The following TENT4A variants were observed in gnomAD, a reference collection of about 807,000 sequenced individuals.
TENT4A encodes the protein terminal nucleotidyltransferase 4A, also known as DNA polymerase kappa.
TENT4A carries 7 observed loss-of-function variants against 72.8 expected under a neutral mutation model. The observed-to-expected ratio is 0.10, with a 90% CI of 0.05 to 0.18. The LOEUF (loss-of-function observed/expected upper bound fraction) is 0.18. TENT4A is among the 10% of genes least tolerant of loss of function. The pLI is 1.00. For synonymous variants in TENT4A, 456 were observed against 434.3 expected (o/e 1.05, Z -0.62); for missense variants, 831 against 1,017.7 (o/e 0.82, Z 2.50).
chr5:6,748,670 A>G (rs1742237293), intron 8 of TENT4A, 80 bp downstream of exon 8: 3 of 1,384,512 alleles, frequency 2.2e-6, no homozygotes, highest in East Asian at 2.3e-5. Flanking sequence ...ATTTACCTCC[A>G]TGAAATTTAT....
At chr5:6,730,831 A>G (rs1109228) in intron 1 of TENT4A, among the ~76,000 whole-genome samples, 7 of 151,718 alleles carry the variant, frequency 4.6e-5, no homozygotes, top group Admixed American at 2.6e-4. Context: ...TTGCCTTGTA[A>G]CATAATCAAA....
At chr5:6,722,551 T>TTTG (rs1388150854) in intron 1 of TENT4A, among the ~76,000 whole-genome samples, 17 of 149,816 alleles carry the variant, frequency 1.1e-4, no homozygotes, top group Admixed American at 1.1e-3. Context: ...TTGTTAGTTT[T>TTTG]TTTTTTTTTT....
intron 1 of TENT4A, among the ~76,000 whole-genome samples, chr5:6,726,787 C>A (rs778639679): frequency 5.9e-5 from 9 of 152,184 alleles, no homozygotes; most frequent in Non-Finnish European, 1.0e-4. Context: ...CCTTTGATTG[C>A]CCAGCTGTCC....
At chr5:6,726,438 C>A (rs528904611) in intron 1 of TENT4A, among the ~76,000 whole-genome samples, 1 of 152,242 alleles carries the variant, frequency 6.6e-6, no homozygotes, top group East Asian at 1.9e-4. Flanking sequence ...GGCGACGCCC[C>A]CTGCGTTGCC....
chr5:6,740,907 T>C (rs993797932), intron 4 of TENT4A, among the ~76,000 whole-genome samples: 1 of 152,200 alleles, frequency 6.6e-6, no homozygotes, highest in African/African-American at 2.4e-5. Flanking sequence ...GCTGTTGCTG[T>C]TCACATTTTA....
At position 6,755,416 on chromosome 5, in the gene TENT4A, A is replaced by T. The variant is rs556578060; in HGVS notation, c.*471A>T. ...TTTGAAATTTCAGAACTGTTTTTCT[A>T]TGTAAATATTGAAAACTTATGATTT... is the stretch of plus-strand genomic sequence containing the variant. On this transcript the variant is annotated 3_prime_UTR_variant, in exon 13 of 13. Coordinates refer to ENST00000230859, the MANE Select transcript of TENT4A (RefSeq NM_006999.6). 6.5e-6 allele frequency: 1 copy of T among 153,742 alleles called. No homozygotes were observed. Among genetic ancestry groups the T allele is most frequent in the East Asian group, 1.9e-4 (1 of 5,218 alleles). 9.5% of individuals were successfully genotyped at this position (153,742 alleles called of 1,614,324 possible).
intron 6 of TENT4A, among the ~76,000 whole-genome samples, chr5:6,744,406 A>G (rs549178571): frequency 1.3e-5 from 2 of 152,386 alleles, no homozygotes; most frequent in South Asian, 2.1e-4. Context: ...TTTTAAACAT[A>G]TAAAATCATC....
At chr5:6,751,293 A>C in intron 11 of TENT4A, 96 bp downstream of exon 11, 1 of 1,324,310 alleles carries the variant, frequency 7.6e-7, no homozygotes, top group South Asian at 1.2e-5. Context: ...CCTTTGAATT[A>C]GAAGAGTAAC....
At chr5:6,732,254 C>T (rs1242642718) in intron 1 of TENT4A, among the ~76,000 whole-genome samples, 2 of 152,202 alleles carry the variant, frequency 1.3e-5, no homozygotes, top group Admixed American at 6.5e-5. Flanking sequence ...GCCAGTCCTC[C>T]CTGGCTTTGG....
intron 3 of TENT4A, 101 bp downstream of exon 3, chr5:6,738,830 G>A (rs139204887): frequency 1.0e-4 from 86 of 859,554 alleles, no homozygotes; most frequent in Non-Finnish European, 1.5e-4. Flanking sequence ...AGTCTAAGGC[G>A]AGAAATGCCA....
At chr5:6,739,234 A>C (rs1741673494) in intron 3 of TENT4A, among the ~76,000 whole-genome samples, 1 of 152,232 alleles carries the variant, frequency 6.6e-6, no homozygotes. Flanking sequence ...GTCTCATTAA[A>C]AGCTTACCTT....
intron 4 of TENT4A, among the ~76,000 whole-genome samples, chr5:6,740,246 CTA>C (rs1161919173): frequency 6.6e-6 from 1 of 152,146 alleles, no homozygotes; most frequent in African/African-American, 2.4e-5. Context: ...TTACCATTTG[CTA>C]TGTTATGTTA....
intron 8 of TENT4A, 34 bp downstream of exon 8, chr5:6,748,624 G>A (rs767543640): frequency 4.4e-6 from 7 of 1,594,528 alleles, no homozygotes; most frequent in African/African-American, 1.3e-5. Flanking sequence ...TGGGCTCAGC[G>A]TGCCTGTGGG....
intron 7 of TENT4A, among the ~76,000 whole-genome samples, chr5:6,746,947 A>T (rs770000699): frequency 7.2e-5 from 11 of 152,180 alleles, no homozygotes; most frequent in Non-Finnish European, 1.2e-4. Flanking sequence ...CGCATTGAAG[A>T]GTCTAAGGCT....
intron 1 of TENT4A, among the ~76,000 whole-genome samples, chr5:6,716,128 C>G (rs1740374461): frequency 6.6e-6 from 1 of 152,206 alleles, no homozygotes; most frequent in Admixed American, 6.5e-5. Context: ...GGTAGCGCAT[C>G]AGGTCCCATG....
chr5:6,745,464 C>T (rs1742036638), intron 6 of TENT4A, among the ~76,000 whole-genome samples: 1 of 152,184 alleles, frequency 6.6e-6, no homozygotes, highest in South Asian at 2.1e-4. Context: ...GGGCAGGGCG[C>T]CACATGTGGC....
chr5:6,740,770 A>T (rs1741758546), intron 4 of TENT4A, among the ~76,000 whole-genome samples: 1 of 152,244 alleles, frequency 6.6e-6, no homozygotes, highest in African/African-American at 2.4e-5. Flanking sequence ...GGTTCCCTCC[A>T]GGCCCAGGTT....
At chr5:6,754,657 A>G (rs959606630) in intron 12 of TENT4A, 94 bp from the exon 13 acceptor site, 1 of 954,182 alleles carries the variant, frequency 1.0e-6, no homozygotes, top group Non-Finnish European at 1.5e-6. Context: ...TCTCTATGTA[A>G]CATCACGTCG....
chr5:6,731,587 T>C (rs889400551), intron 1 of TENT4A, among the ~76,000 whole-genome samples: 1 of 151,246 alleles, frequency 6.6e-6, no homozygotes, highest in Admixed American at 6.6e-5. Flanking sequence ...TTGCCCAGAC[T>C]AGAGTGCAGT....
Sources: allele counts gnomAD v4.1 joint callset (sites outside exome capture counted in the v4.1 genomes callset), GRCh38; gene constraint gnomAD v4.1.1; transcripts MANE v1.5; gene names NCBI Gene and HGNC (gene_info 2026-07-23, HGNC 2026-07-21).